Variants in AAR2 observed in about 807,000 individuals in gnomAD.
AAR2 encodes AAR2 splicing factor.
Under a neutral mutation model 26.9 loss-of-function variants are expected in AAR2, and 31 were observed. The observed-to-expected ratio is 1.15, with a 90% confidence interval of 0.86 to 1.55. The LOEUF (loss-of-function observed/expected upper bound fraction) is 1.55, where lower values mean the gene tolerates loss of function less well. Among genes scored for constraint, AAR2 ranks in the 40% most tolerant of loss-of-function variants. The probability of loss-of-function intolerance (pLI) is 0.00; values close to 1 mark genes in which losing one functional copy is unlikely to be tolerated. For missense variants in AAR2, 430 were observed against 491.3 expected (o/e 0.88, Z 1.18); for synonymous variants, 188 against 196.1 (o/e 0.96, Z 0.34).
At chr20:36,248,267 C>A (rs2064753188) in intron 3 of AAR2, among the ~76,000 whole-genome samples, 1 of 152,102 alleles carries the variant, frequency 6.6e-6, no homozygotes, top group South Asian at 2.1e-4. Context: ...CTGCCTGACT[C>A]CCGCACTGAG....
chr20:36,249,746 G>C (rs927729327), intron 3 of AAR2, among the ~76,000 whole-genome samples: 5 of 152,178 alleles, frequency 3.3e-5, no homozygotes, highest in African/African-American at 1.2e-4. Context: ...GGCTCAGGAA[G>C]GTCACATAAT....
At chr20:36,245,848 C>A (rs941033431) in intron 3 of AAR2, among the ~76,000 whole-genome samples, 9 of 152,122 alleles carry the variant, frequency 5.9e-5, no homozygotes, top group African/African-American at 2.2e-4. Flanking sequence ...TAGTGAGACC[C>A]CGTCTCTCCA....
At position 36,241,020 on chromosome 20, in the gene AAR2, C is replaced by A. The variant is rs983116314; in HGVS notation, c.757+395C>A. 2.7e-5 allele frequency among the ~76,000 whole-genome samples: 4 copies of A among 149,420 alleles called. No homozygotes were observed. In the East Asian group the frequency reaches 5.8e-4, roughly 22 times the overall value. On this transcript the variant is annotated intron_variant, in intron 2 of 3. Coordinates refer to ENST00000320849, the MANE Select transcript of AAR2 (RefSeq NM_001271874.2). The stretch of plus-strand genomic sequence containing the variant: ...CTCTCACCTGCCTGCTCAGTTTGCT[C>A]CTGACCCTCAAGATGTTGGTCTCTC...
At chr20:36,253,082 C>A (rs752793742) in intron 3 of AAR2, among the ~76,000 whole-genome samples, 4 of 152,048 alleles carry the variant, frequency 2.6e-5, no homozygotes, top group African/African-American at 9.7e-5. Flanking sequence ...CCCTTCCCCC[C>A]CATCACCTCT....
chr20:36,249,485 C>T (rs892630259), intron 3 of AAR2, among the ~76,000 whole-genome samples: 24 of 152,072 alleles, frequency 1.6e-4, no homozygotes, highest in Non-Finnish European at 5.9e-5. Flanking sequence ...TACAATAGGC[C>T]GTATATGCTT....
intron 3 of AAR2, among the ~76,000 whole-genome samples, chr20:36,252,468 C>T (rs2064787608): frequency 6.6e-6 from 1 of 152,104 alleles, no homozygotes; most frequent in South Asian, 2.1e-4. Context: ...ATCAAGGTAG[C>T]CCTGGGGCTG....
chr20:36,252,753 T>A (rs1263380317), intron 3 of AAR2, among the ~76,000 whole-genome samples: 1 of 152,152 alleles, frequency 6.6e-6, no homozygotes, highest in African/African-American at 2.4e-5. Flanking sequence ...AGGAAGAGAC[T>A]TGTTAATTCA....
intron 1 of AAR2, among the ~76,000 whole-genome samples, chr20:36,237,238 G>T (rs965542707): frequency 6.6e-6 from 1 of 152,210 alleles, no homozygotes; most frequent in Non-Finnish European, 1.5e-5. Context: ...GTAATAGGAA[G>T]AATTCTGGTT....
At chr20:36,250,922 C>T (rs572101216) in intron 3 of AAR2, among the ~76,000 whole-genome samples, 2 of 152,204 alleles carry the variant, frequency 1.3e-5, no homozygotes, top group African/African-American at 2.4e-5. Flanking sequence ...AAATACCAGG[C>T]GTGGTGGCTC....
At position 36,256,049 on chromosome 20, in the gene AAR2, A is replaced by G. The variant is rs982212361; in HGVS notation, c.*304A>G. 6.9e-6 allele frequency: 2 copies of G among 287,936 alleles called. No homozygotes were observed. 17.8% of individuals were successfully genotyped at this position (287,936 alleles called of 1,614,324 possible). On this transcript the variant is annotated 3_prime_UTR_variant, in exon 4 of 4. Coordinates refer to ENST00000320849, the MANE Select transcript of AAR2 (RefSeq NM_001271874.2). ...GGAGACATCTGCCTACACGGCAACC[A>G]TATTTCCTCTGAATGAGAAGGAATT... is the stretch of plus-strand genomic sequence containing the variant.
At chr20:36,255,499 A>G (rs990867534) in intron 3 of AAR2, 79 bp from the exon 4 acceptor site, 4 of 1,536,378 alleles carry the variant, frequency 2.6e-6, no homozygotes, top group South Asian at 2.4e-5. Flanking sequence ...AGAGCCGAAC[A>G]CCATGAGGAA....
intron 2 of AAR2, among the ~76,000 whole-genome samples, chr20:36,242,364 TTTGTTGTTGTTGTTGTTGTTG>T (rs78763281): frequency 4.1e-5 from 6 of 145,156 alleles, no homozygotes; most frequent in African/African-American, 7.8e-5. Context: ...AGGTACATCT[TTTGTTGTTGTTGTTGTTGTTG>T]TTGTTGTTGT....
Position 36,255,680 on chromosome 20 carries a change from G to T in AAR2, c.1090G>T (p.Ala364Ser), listed in dbSNP as rs779448339. Residue 364 changes from alanine (A) to serine (S), a missense_variant, in exon 4 of 4, where the codon GCT (alanine) becomes TCT (serine). Coordinates refer to ENST00000320849, the MANE Select transcript of AAR2 (RefSeq NM_001271874.2). ...GACCAAGAAGTTCCGGTGGGACTTTGCTGCGGAACCTGAGGACTGTGCCCC... is the reference window on the plus strand; with the variant it reads ...GACCAAGAAGTTCCGGTGGGACTTTTCTGCGGAACCTGAGGACTGTGCCCC... ...HLTKKFRWDFAAEPEDCAPVV... is the reference protein window; with the variant it reads ...HLTKKFRWDFSAEPEDCAPVV... 2 of 1,614,182 alleles carry T rather than the reference G, an allele frequency of 1.2e-6. No homozygotes were observed. Among genetic ancestry groups the T allele is most frequent in the Non-Finnish European group, 1.7e-6 (2 of 1,180,036 alleles).
chr20:36,244,155 G>T (rs966560847), intron 2 of AAR2, among the ~76,000 whole-genome samples: 3 of 152,166 alleles, frequency 2.0e-5, no homozygotes, highest in Non-Finnish European at 4.4e-5. Context: ...CTTCCTGATC[G>T]CCTTGTGGAG....
rs2064823925 is a variant in AAR2, at chr20:36,256,628, C to G, written c.*883C>G. On this transcript the variant is annotated 3_prime_UTR_variant, in exon 4 of 4. Transcript: ENST00000320849. ...TTCCAAGTGCTGAAGAAGACCTGGTCAGCCTAAATCTTCCCAGTCCCGCTG... is the reference window on the plus strand; with the variant it reads ...TTCCAAGTGCTGAAGAAGACCTGGTGAGCCTAAATCTTCCCAGTCCCGCTG... The G allele has an allele frequency of 6.6e-6, 1 of 152,280 alleles. No homozygotes were observed. Among genetic ancestry groups the G allele is most frequent in the Non-Finnish European group, 1.5e-5 (1 of 68,064 alleles). The allele number at this position is 152,280 out of a possible 1,614,324, so 9.4% of individuals were successfully genotyped here.
At position 36,255,846 on chromosome 20, in the gene AAR2, A is replaced by G. The variant is rs1303326823; in HGVS notation, c.*101A>G. ...CATCCTGGGACCTGCCAGGGCAGCA[A>G]TCTCTCCAGGTCCTGCAAAGATGGA... is the stretch of plus-strand genomic sequence containing the variant. On this transcript the variant is annotated 3_prime_UTR_variant, in exon 4 of 4. Transcript: ENST00000320849. The G allele has an allele frequency of 9.9e-6, 14 of 1,415,818 alleles. No individual in the cohort carries two copies. In the East Asian group the frequency reaches 1.2e-4, roughly 12 times the overall value. The allele number at this position is 1,415,818 out of a possible 1,614,324, so 87.7% of individuals were successfully genotyped here.
rs531850680 is a variant in AAR2 at position 36,256,008 on chromosome 20, C to A, written c.*263C>A. 17 of 468,614 alleles carry A rather than the reference C, an allele frequency of 3.6e-5. No individual in the cohort carries two copies. The highest frequency in any genetic ancestry group is 9.5e-5 in the South Asian group (3 of 31,728). The allele number at this position is 468,614 out of a possible 1,614,324, so 29.0% of individuals were successfully genotyped here. A position where few individuals can be genotyped will look rare whatever the true frequency, so the allele number is the denominator to read the frequency against. On this transcript the variant is annotated 3_prime_UTR_variant, in exon 4 of 4. Coordinates refer to ENST00000320849, the MANE Select transcript of AAR2 (RefSeq NM_001271874.2). ...TGGCTGAATTTCACACAGGCTCTTA[C>A]ACACACACGCTCCTAGGAGACATCT... is the stretch of plus-strand genomic sequence containing the variant.
At chr20:36,245,636 T>C (rs1014383716) in intron 3 of AAR2, among the ~76,000 whole-genome samples, 135 of 152,166 alleles carry the variant, frequency 8.9e-4, no homozygotes, top group African/African-American at 3.1e-3. Flanking sequence ...CTTCTCCCTG[T>C]GTGTAATACC....
chr20:36,244,494 G>A (rs2147290972), intron 2 of AAR2, among the ~76,000 whole-genome samples: 1 of 152,286 alleles, frequency 6.6e-6, no homozygotes, highest in East Asian at 1.9e-4. Context: ...GTTTCCCATG[G>A]CTTGAATTCA....
Sources: allele counts gnomAD v4.1 joint callset (sites outside exome capture counted in the v4.1 genomes callset), GRCh38; gene constraint gnomAD v4.1.1; transcripts MANE v1.5; gene names NCBI Gene and HGNC (gene_info 2026-07-23, HGNC 2026-07-21).